DOCK3: variants seen among roughly 807,000 people sequenced by gnomAD.
DOCK3 encodes the protein dedicator of cytokinesis protein 3.
A neutral mutation model predicts 265.6 loss-of-function variants in DOCK3; 60 were observed. That is an observed-to-expected ratio of 0.23 (90% CI 0.18 to 0.28). The LOEUF is 0.28. Among genes scored for constraint, DOCK3 ranks in the 10% least tolerant of loss-of-function variants. The pLI, the probability that DOCK3 is intolerant of heterozygous loss-of-function variation, is 1.00. For synonymous variants in DOCK3, 881 were observed against 938.0 expected (o/e 0.94, Z 1.11); for missense variants, 1,981 against 2,594.3 (o/e 0.76, Z 5.14).
chr3:51,184,861 G>A (rs558090905), intron 12 of DOCK3, among the ~76,000 whole-genome samples: 22 of 152,302 alleles, frequency 1.4e-4, no homozygotes, highest in African/African-American at 5.1e-4. Flanking sequence ...GATAACATCA[G>A]CAGGCAAAAG....
intron 27 of DOCK3, among the ~76,000 whole-genome samples, chr3:51,289,498 A>G (rs1037491197): frequency 6.6e-6 from 1 of 152,244 alleles, no homozygotes; most frequent in African/African-American, 2.4e-5. Context: ...ACAGGAAGAA[A>G]AGAACAAAGG....
At chr3:51,339,887 G>A (rs1339464084) in intron 37 of DOCK3, among the ~76,000 whole-genome samples, 1 of 152,216 alleles carries the variant, frequency 6.6e-6, no homozygotes, top group Non-Finnish European at 1.5e-5. Context: ...AGATAGATTT[G>A]TAGAAACAGA....
At chr3:51,044,577 TA>T (rs200715535) in intron 5 of DOCK3, among the ~76,000 whole-genome samples, 8,060 of 138,912 alleles carry the variant, frequency 0.058, 715 homozygotes, top group East Asian at 0.34. Context: ...TCACTGAACT[TA>T]AAAAAAAAAA....
chr3:50,889,764 CTT>C (rs1358007333), intron 3 of DOCK3, among the ~76,000 whole-genome samples: 3 of 152,020 alleles, frequency 2.0e-5, no homozygotes, highest in Non-Finnish European at 4.4e-5. Flanking sequence ...ATCTACAACT[CTT>C]TTAAAATTAA....
chr3:51,216,291 C>G, intron 14 of DOCK3, among the ~76,000 whole-genome samples: 1 of 152,234 alleles, frequency 6.6e-6, no homozygotes, highest in East Asian at 1.9e-4. Flanking sequence ...GGAAAGAAAT[C>G]TTTTTTAGGA....
intron 1 of DOCK3, among the ~76,000 whole-genome samples, chr3:50,719,324 A>G (rs565013888): frequency 6.6e-6 from 1 of 151,364 alleles, no homozygotes; most frequent in Admixed American, 6.6e-5. Flanking sequence ...CTGCAATCCA[A>G]CTAGGCATGG....
At chr3:51,061,383 T>A (rs989468291) in intron 5 of DOCK3, among the ~76,000 whole-genome samples, 1 of 152,072 alleles carries the variant, frequency 6.6e-6, no homozygotes, top group Non-Finnish European at 1.5e-5. Context: ...AATGCAGCCA[T>A]AAAAAATGAT....
intron 2 of DOCK3, among the ~76,000 whole-genome samples, chr3:50,784,969 T>C (rs1371300300): frequency 1.3e-5 from 2 of 152,092 alleles, no homozygotes; most frequent in African/African-American, 4.8e-5. Context: ...CTAGCCTGGC[T>C]AACATGGTGA....
chr3:51,180,225 A>AACAC (rs1553780899), intron 12 of DOCK3, among the ~76,000 whole-genome samples: 4 of 145,582 alleles, frequency 2.7e-5, no homozygotes, highest in East Asian at 2.2e-4. Flanking sequence ...AAAAAAAAAA[A>AACAC]ACACACACAC....
At chr3:51,172,401 C>T (rs1013116490) in intron 12 of DOCK3, among the ~76,000 whole-genome samples, 2 of 152,188 alleles carry the variant, frequency 1.3e-5, no homozygotes, top group Admixed American at 1.3e-4. Context: ...TGGTCTCCAT[C>T]TCCTGACCTC....
At chr3:51,033,894 A>G (rs2108974645) in intron 5 of DOCK3, among the ~76,000 whole-genome samples, 1 of 152,322 alleles carries the variant, frequency 6.6e-6, no homozygotes, top group East Asian at 1.9e-4. Flanking sequence ...AGTCTCTATA[A>G]GCTTTTTGTA....
chr3:51,360,408 T>C (rs777517393), intron 46 of DOCK3, 103 bp from the exon 47 acceptor site: 1 of 1,433,564 alleles, frequency 7.0e-7, no homozygotes, highest in Non-Finnish European at 9.4e-7. Context: ...TGATTCTTTT[T>C]TGTTTCTTTT....
intron 35 of DOCK3, chr3:51,336,832 G>A (rs573438716): frequency 4.8e-5 from 22 of 455,606 alleles, no homozygotes; most frequent in East Asian, 3.5e-4. Flanking sequence ...AAGTTAATCC[G>A]TGGTAAATGT....
At chr3:51,088,179 T>C (rs2082500036) in intron 7 of DOCK3, among the ~76,000 whole-genome samples, 1 of 152,154 alleles carries the variant, frequency 6.6e-6, no homozygotes, top group African/African-American at 2.4e-5. Context: ...TTCTATCATA[T>C]GTAGGGGCTA....
At chr3:51,253,660 T>A (rs939756664) in intron 22 of DOCK3, among the ~76,000 whole-genome samples, 2 of 152,226 alleles carry the variant, frequency 1.3e-5, no homozygotes, top group African/African-American at 4.8e-5. Context: ...GTAGAGGTGC[T>A]TCTGGTATTC....
intron 3 of DOCK3, among the ~76,000 whole-genome samples, chr3:50,859,146 A>G (rs935687334): frequency 2.0e-5 from 3 of 148,590 alleles, no homozygotes; most frequent in Non-Finnish European, 4.4e-5. Context: ...TGAATTCTGA[A>G]TTCTATTTCT....
intron 32 of DOCK3, among the ~76,000 whole-genome samples, chr3:51,321,288 C>G (rs1204497463): frequency 6.6e-6 from 1 of 152,152 alleles, no homozygotes; most frequent in Non-Finnish European, 1.5e-5. Context: ...TCAACATCAA[C>G]AAAAAGGACG....
chr3:51,128,884 C>T (rs1475815566), intron 9 of DOCK3, among the ~76,000 whole-genome samples: 3 of 152,146 alleles, frequency 2.0e-5, no homozygotes, highest in African/African-American at 7.2e-5. Flanking sequence ...TGTGTGATGA[C>T]GGGGATGGCT....
At chr3:50,677,165 C>G (rs2034032911) in intron 1 of DOCK3, among the ~76,000 whole-genome samples, 1 of 152,240 alleles carries the variant, frequency 6.6e-6, no homozygotes, top group African/African-American at 2.4e-5. Context: ...ATGAGAGAGA[C>G]AGTTACACTG....
Sources: gnomAD v4.1 joint callset for allele counts (sites outside exome capture counted in the v4.1 genomes callset) on GRCh38, gnomAD v4.1.1 for gene constraint, MANE v1.5 for transcripts, NCBI Gene and HGNC (gene_info 2026-07-23, HGNC 2026-07-21) for gene names.